The following SMAD1 variants were observed in gnomAD, a reference collection of about 807,000 sequenced individuals.
SMAD1 encodes SMAD family member 1.
A neutral mutation model predicts 41.6 loss-of-function variants in SMAD1; 6 were observed. The observed-to-expected ratio is 0.14, with a 90% confidence interval of 0.08 to 0.28. SMAD1 has a LOEUF of 0.28. Ranked by LOEUF, SMAD1 falls within the 10% of genes least tolerant of loss-of-function variation. The pLI, the probability that SMAD1 is intolerant of heterozygous loss-of-function variation, is 1.00. For synonymous variants in SMAD1, 206 were observed against 203.2 expected (o/e 1.01, Z -0.12); for missense variants, 379 against 582.6 (o/e 0.65, Z 3.60).
chr4:145,525,742 G>C (rs533634015), intron 2 of SMAD1: 3 of 152,344 alleles, frequency 2.0e-5, no homozygotes, highest in African/African-American at 7.2e-5. Context: ...TCCTCAACAG[G>C]ATTTCTCTAG....
intron 1 of SMAD1, among the ~76,000 whole-genome samples, chr4:145,503,272 C>T (rs934832832): frequency 6.6e-6 from 1 of 152,030 alleles, no homozygotes; most frequent in African/African-American, 2.4e-5. Flanking sequence ...GAACTGAGAG[C>T]AGCAGAGTTC....
intron 1 of SMAD1, among the ~76,000 whole-genome samples, chr4:145,491,091 CT>C (rs1321256831): frequency 6.6e-6 from 1 of 152,128 alleles, no homozygotes; most frequent in Non-Finnish European, 1.5e-5. Context: ...ATAAAGGAAA[CT>C]TTTTATAGAT....
At position 145,539,949 on chromosome 4, in the gene SMAD1, C is replaced by T; in HGVS notation, c.546C>T (p.His182=). Residue 182 remains histidine (H), a synonymous_variant, in exon 3 of 7, where the codon CAC becomes CAT. Coordinates refer to ENST00000302085, the MANE Select transcript of SMAD1 (RefSeq NM_005900.3). ...FPDSFQQPNS[H]PFPHSPNSSY... is the part of the protein sequence containing the mutation. The stretch of plus-strand genomic sequence containing the variant: ...ATTCTTTCCAGCAACCCAACAGCCA[C>T]CCGTTTCCTCACTCTCCCAATAGCA... 2 of 1,614,064 alleles carry T rather than the reference C, an allele frequency of 1.2e-6. No individual in the cohort carries two copies. The highest frequency in any genetic ancestry group is 1.7e-6 in the Non-Finnish European group (2 of 1,180,014).
intron 1 of SMAD1, chr4:145,513,327 TG>T (rs894003374): frequency 2.6e-5 from 4 of 152,276 alleles, no homozygotes; most frequent in African/African-American, 9.7e-5. Flanking sequence ...TTTTCTGGCT[TG>T]TTTGTTTGGA....
intron 6 of SMAD1, among the ~76,000 whole-genome samples, chr4:145,556,700 C>G (rs571546628): frequency 2.6e-5 from 4 of 152,170 alleles, no homozygotes; most frequent in African/African-American, 9.6e-5. Context: ...CCCAAGTGAT[C>G]ACCTGCCTGA....
chr4:145,553,209 C>T (rs1157149620), intron 5 of SMAD1, among the ~76,000 whole-genome samples: 1 of 151,560 alleles, frequency 6.6e-6, no homozygotes, highest in Non-Finnish European at 1.5e-5. Context: ...CTGTGCCTGG[C>T]CTATTACTAT....
rs1729690749 is a variant in SMAD1 at position 145,505,098 on chromosome 4, T to C, written c.-176-9340T>C. On this transcript the variant is annotated intron_variant, in intron 1 of 6. Transcript: ENST00000302085. ...CATGATCTATTTGGACAATTCCATC[T>C]TTGTTTGGACTATACAGTTGACTTG... 2.6e-5 allele frequency among the ~76,000 whole-genome samples: 4 copies of C among 152,244 alleles called. No individual in the cohort carries two copies. In the South Asian group the frequency reaches 8.3e-4, roughly 31 times the overall value.
At chr4:145,486,868 C>T (rs1728504374) in intron 1 of SMAD1, among the ~76,000 whole-genome samples, 1 of 152,166 alleles carries the variant, frequency 6.6e-6, no homozygotes, top group South Asian at 2.1e-4. Context: ...CTCCTCTTGG[C>T]ATTAAGTGCC....
intron 6 of SMAD1, 38 bp from the exon 7 acceptor site, chr4:145,557,753 T>G (rs1056287268): frequency 1.3e-6 from 2 of 1,545,722 alleles, no homozygotes; most frequent in East Asian, 2.3e-5. Flanking sequence ...AACCACTGAG[T>G]TAAACAAGTT....
At position 145,528,060 on chromosome 4, in the gene SMAD1, T is replaced by TACACAC. The variant is rs35710925; in HGVS notation, c.401-11716_401-11711dup. 4.2e-4 allele frequency among the ~76,000 whole-genome samples: 59 copies of TACACAC among 142,156 alleles called. 1 individual carries two copies. Among genetic ancestry groups the TACACAC allele is most frequent in the South Asian group, 3.9e-3 (17 of 4,390 alleles). 93.3% of individuals were successfully genotyped at this position (142,156 alleles called of 152,430 possible). A position where few individuals can be genotyped will look rare whatever the true frequency, so the allele number is the denominator to read the frequency against. On this transcript the variant is annotated intron_variant, in intron 2 of 6. Transcript: ENST00000302085. ...CACTCTCGGCTAATTTTTTTGTTTG[T>TACACAC]ACACACACACACACACACACACACA...
chr4:145,511,256 T>G (rs559288198), intron 1 of SMAD1, among the ~76,000 whole-genome samples: 1 of 151,936 alleles, frequency 6.6e-6, no homozygotes, highest in Non-Finnish European at 1.5e-5. Flanking sequence ...CCTTTTCATA[T>G]GTTTTGCATT....
chr4:145,528,060 TACACACAC>T (rs35710925), intron 2 of SMAD1, among the ~76,000 whole-genome samples: 6,781 of 142,132 alleles, frequency 0.048, 531 homozygotes, highest in African/African-American at 0.16. Context: ...TTTTTGTTTG[TACACACAC>T]ACACACACAC....
intron 1 of SMAD1, among the ~76,000 whole-genome samples, chr4:145,490,984 T>C (rs1316075926): frequency 1.3e-5 from 2 of 152,090 alleles, no homozygotes; most frequent in African/African-American, 2.4e-5. Context: ...TGTCATAGTG[T>C]TAGAAGGAAA....
At chr4:145,532,027 A>T (rs1392891823) in intron 2 of SMAD1, among the ~76,000 whole-genome samples, 1 of 152,208 alleles carries the variant, frequency 6.6e-6, no homozygotes, top group East Asian at 1.9e-4. Flanking sequence ...TCAAAATCTT[A>T]AAAAAGCTCT....
At chr4:145,496,463 GT>G (rs1232734799) in intron 1 of SMAD1, among the ~76,000 whole-genome samples, 5 of 152,188 alleles carry the variant, frequency 3.3e-5, no homozygotes, top group African/African-American at 1.2e-4. Flanking sequence ...GGTTGTGGTT[GT>G]GGTGATGAGG....
At position 145,542,633 on chromosome 4, in the gene SMAD1, A is replaced by G; in HGVS notation, c.710A>G (p.Asp237Gly). The G allele has an allele frequency of 6.2e-7, 1 of 1,613,708 alleles. No homozygotes were observed. The highest frequency in any genetic ancestry group is 8.5e-7 in the Non-Finnish European group (1 of 1,179,840). Residue 237 changes from aspartate (D) to glycine (G), a missense_variant, in exon 4 of 7, where the codon GAT (aspartate) becomes GGT (glycine). Asp to Gly is a moderately conservative substitution (Grantham distance 94). This residue lies in a region of SMAD1 where 208 missense variants were observed against 210.5 expected (regional missense o/e 0.99). Transcript: ENST00000302085. Reference sequence around the variant, plus strand: ...CCTCCTGAAGACCCCATGACCCAGGATGGCTCTCAGCCGATGGACACAAAC... The same window carrying G: ...CCTCCTGAAGACCCCATGACCCAGGGTGGCTCTCAGCCGATGGACACAAAC... ...YLPPEDPMTQ[D>G]GSQPMDTNMM...
At chr4:145,556,775 C>G (rs1191931708) in intron 6 of SMAD1, among the ~76,000 whole-genome samples, 6 of 152,280 alleles carry the variant, frequency 3.9e-5, no homozygotes, top group Admixed American at 6.5e-5. Context: ...ACAACAACTT[C>G]CGCCTCCTGG....
intron 2 of SMAD1, among the ~76,000 whole-genome samples, chr4:145,519,933 A>G (rs1730649577): frequency 6.6e-6 from 1 of 152,194 alleles, no homozygotes; most frequent in African/African-American, 2.4e-5. Context: ...TTCACTTAAC[A>G]ATAATGTCCG....
intron 2 of SMAD1, among the ~76,000 whole-genome samples, chr4:145,520,336 T>C (rs1730671716): frequency 6.6e-6 from 1 of 152,200 alleles, no homozygotes; most frequent in African/African-American, 2.4e-5. Context: ...AGTGGATGAA[T>C]GTGTAGAAAT....
Sources: gnomAD v4.1 joint callset for allele counts (sites outside exome capture counted in the v4.1 genomes callset) on GRCh38, gnomAD v4.1.1 for gene constraint, gnomAD v4.1.1 regional missense constraint, MANE v1.5 for transcripts, NCBI Gene and HGNC (gene_info 2026-07-23, HGNC 2026-07-21) for gene names.